The following RORA variants were observed in gnomAD, a reference collection of about 807,000 sequenced individuals.
RORA encodes nuclear receptor ROR-alpha.
A neutral mutation model predicts 69.5 loss-of-function variants in RORA; 7 were observed. The observed-to-expected ratio is 0.10, with a 90% CI of 0.06 to 0.19. RORA has a LOEUF of 0.19. Among genes scored for constraint, RORA ranks in the 10% least tolerant of loss-of-function variants. The pLI is 1.00. For missense variants in RORA, 457 were observed against 663.0 expected, an observed-to-expected ratio of 0.69 and a Z score of 3.41; for synonymous variants, 261 against 240.8, an observed-to-expected ratio of 1.08 and a Z score of -0.78.
At chr15:60,600,630 A>G (rs185891678) in intron 2 of RORA, among the ~76,000 whole-genome samples, 4 of 152,340 alleles carry the variant, frequency 2.6e-5, no homozygotes, top group East Asian at 3.9e-4. Flanking sequence ...TTTTCTCAAT[A>G]TGTTAGATCC....
chr15:60,665,770 G>A (rs961870322), intron 2 of RORA, among the ~76,000 whole-genome samples: 11 of 152,094 alleles, frequency 7.2e-5, no homozygotes, highest in Non-Finnish European at 1.5e-4. Context: ...CATCTCCCGG[G>A]TTCAAGCAAT....
intron 6 of RORA, among the ~76,000 whole-genome samples, chr15:60,503,893 C>T (rs2141278108): frequency 6.6e-6 from 1 of 152,316 alleles, no homozygotes. Flanking sequence ...ACCTCTGCCT[C>T]CTGGGTTCAA....
intron 1 of RORA, among the ~76,000 whole-genome samples, chr15:60,847,150 A>C (rs1221728542): frequency 6.6e-6 from 1 of 152,192 alleles, no homozygotes; most frequent in Non-Finnish European, 1.5e-5. Flanking sequence ...TGTTTTCAGT[A>C]ATATTAGTAT....
intron 10 of RORA, among the ~76,000 whole-genome samples, chr15:60,498,423 G>A (rs1225898711): frequency 6.6e-6 from 1 of 152,148 alleles, no homozygotes; most frequent in Non-Finnish European, 1.5e-5. Flanking sequence ...ATAACTACAC[G>A]TTTCTTTTCG....
At chr15:60,504,753 C>T (rs2065444651) in intron 6 of RORA, among the ~76,000 whole-genome samples, 1 of 152,190 alleles carries the variant, frequency 6.6e-6, no homozygotes, top group African/African-American at 2.4e-5. Flanking sequence ...TGTTAAATTC[C>T]TTTTATATTC....
At chr15:60,926,101 C>A (rs1385157150) in intron 1 of RORA, among the ~76,000 whole-genome samples, 1 of 152,158 alleles carries the variant, frequency 6.6e-6, no homozygotes, top group East Asian at 1.9e-4. Context: ...GAAAAGATTG[C>A]ATCAGGGCCT....
At chr15:61,228,281 G>A (rs1240343125) in intron 1 of RORA, among the ~76,000 whole-genome samples, 1 of 152,154 alleles carries the variant, frequency 6.6e-6, no homozygotes, top group Non-Finnish European at 1.5e-5. Context: ...CTGCGCGTTG[G>A]CGCGCACACG....
intron 1 of RORA, among the ~76,000 whole-genome samples, chr15:60,717,173 T>A (rs2071231249): frequency 6.6e-6 from 1 of 152,182 alleles, no homozygotes; most frequent in African/African-American, 2.4e-5. Flanking sequence ...TGGTGTCTGT[T>A]ACTTGGTGTG....
chr15:60,857,686 T>C, intron 1 of RORA, among the ~76,000 whole-genome samples: 1 of 152,172 alleles, frequency 6.6e-6, no homozygotes, highest in African/African-American at 2.4e-5. Flanking sequence ...GCTAGCAGCT[T>C]CAGCCGTGTA....
intron 1 of RORA, among the ~76,000 whole-genome samples, chr15:61,105,350 TACTC>T (rs774856820): frequency 3.9e-5 from 6 of 152,238 alleles, no homozygotes; most frequent in Non-Finnish European, 2.9e-5. Flanking sequence ...ACATGATATA[TACTC>T]ACTAAGTGTG....
At chr15:60,990,291 C>A (rs147421487) in intron 1 of RORA, among the ~76,000 whole-genome samples, 1 of 152,054 alleles carries the variant, frequency 6.6e-6, no homozygotes, top group Non-Finnish European at 1.5e-5. Context: ...ATTAGGAAGG[C>A]TTTTGTGTGA....
chr15:60,882,636 T>TAC (rs67057464), intron 1 of RORA, among the ~76,000 whole-genome samples: 4,233 of 147,530 alleles, frequency 0.029, 83 homozygotes, highest in African/African-American at 0.041. Context: ...GGAGCTTAAC[T>TAC]ACACACACAC....
chr15:60,523,365 A>C (rs1459456942), intron 3 of RORA, among the ~76,000 whole-genome samples: 1 of 152,240 alleles, frequency 6.6e-6, no homozygotes, highest in Non-Finnish European at 1.5e-5. Context: ...AAATCATGAG[A>C]GCATTCAGTG....
chr15:60,702,133 G>C (rs1395206991), intron 1 of RORA, among the ~76,000 whole-genome samples: 1 of 152,182 alleles, frequency 6.6e-6, no homozygotes, highest in Non-Finnish European at 1.5e-5. Flanking sequence ...GGAACATTGG[G>C]CAAGTCACTT....
chr15:60,507,851 A>G (rs2065562485), intron 5 of RORA, among the ~76,000 whole-genome samples: 1 of 152,156 alleles, frequency 6.6e-6, no homozygotes, highest in Non-Finnish European at 1.5e-5. Context: ...GTTATGTTTC[A>G]TTTCTAGTTA....
In RORA at chr15:60,986,156, C is replaced by T. The variant is rs549013778; in HGVS notation, c.166+242897G>A. On this transcript the variant is annotated intron_variant, in intron 1 of 10. Coordinates refer to ENST00000335670, the MANE Select transcript of RORA (RefSeq NM_134261.3). ...TTTCTTCTTTTTTTTTTCCTGGAGA[C>T]GGAGTCTTGCTCTGTCACCCAGGCT... Among the ~76,000 whole-genome samples the T allele has an allele frequency of 1.1e-4, 17 of 151,672 alleles. No individual in the cohort carries two copies. The South Asian group carries it at 1.5e-3, about 13-fold the overall frequency.
chr15:60,621,216 T>TATATATA (rs35729202), intron 2 of RORA, among the ~76,000 whole-genome samples: 14 of 151,140 alleles, frequency 9.3e-5, no homozygotes, highest in Middle Eastern at 3.5e-3. Flanking sequence ...ATATATATAT[T>TATATATA]TTTTAAGAAA....
chr15:60,930,008 T>C (rs543763566), intron 1 of RORA, among the ~76,000 whole-genome samples: 2 of 152,328 alleles, frequency 1.3e-5, no homozygotes, highest in Admixed American at 1.3e-4. Context: ...ATGCTCTCTA[T>C]TTGTGTTACT....
At chr15:60,758,254 G>T (rs781661421) in intron 1 of RORA, among the ~76,000 whole-genome samples, 1 of 152,140 alleles carries the variant, frequency 6.6e-6, no homozygotes, top group African/African-American at 2.4e-5. Flanking sequence ...TCAGTGACAC[G>T]ACCCACTCAG....
Sources: gnomAD v4.1 joint callset for allele counts (sites outside exome capture counted in the v4.1 genomes callset) on GRCh38, gnomAD v4.1.1 for gene constraint, MANE v1.5 for transcripts, NCBI Gene and HGNC (gene_info 2026-07-23, HGNC 2026-07-21) for gene names.